PCDHGA2: variants seen among roughly 807,000 people sequenced by gnomAD.
The protein encoded by PCDHGA2 is protocadherin gamma subfamily A, 2, also known as protocadherin gamma-A2.
Under a neutral mutation model 59.2 loss-of-function variants are expected in PCDHGA2, and 40 were observed. The ratio of observed to expected loss-of-function variants is 0.68; its 90% CI spans 0.52 to 0.88. The LOEUF (loss-of-function observed/expected upper bound fraction) is 0.88, where lower values mean the gene tolerates loss of function less well. PCDHGA2 is among the 40% of genes least tolerant of loss of function. The probability of loss-of-function intolerance (pLI) is 0.00; values close to 1 mark genes in which losing one functional copy is unlikely to be tolerated. For synonymous variants in PCDHGA2, 560 were observed against 526.0 expected (o/e 1.06, Z -0.89); for missense variants, 1,226 against 1,204.0 (o/e 1.02, Z -0.27).
At chr5:141,408,769 C>T in intron 1 of PCDHGA2, 1 of 1,611,166 alleles carries the variant, frequency 6.2e-7, no homozygotes, top group Non-Finnish European at 8.5e-7. Context: ...CCGATGGTGG[C>T]AAATACCCAG....
At chr5:141,468,748 C>T (rs2099176836) in intron 1 of PCDHGA2, among the ~76,000 whole-genome samples, 1 of 151,866 alleles carries the variant, frequency 6.6e-6, no homozygotes, top group South Asian at 2.1e-4. Context: ...TGCCTGTAGT[C>T]CCAGCTACTC....
chr5:141,441,882 C>A, intron 1 of PCDHGA2: 1 of 343,664 alleles, frequency 2.9e-6, no homozygotes, highest in South Asian at 2.6e-5. Context: ...GCTACCTGGT[C>A]ACCAAGGTGG....
intron 1 of PCDHGA2, chr5:141,362,513 A>G: frequency 6.2e-7 from 1 of 1,613,982 alleles, no homozygotes; most frequent in South Asian, 1.1e-5. Context: ...AATACAAATC[A>G]TGGAGCCGCT....
chr5:141,422,492 C>G (rs747903569), intron 1 of PCDHGA2: 10 of 1,613,934 alleles, frequency 6.2e-6, no homozygotes, highest in Non-Finnish European at 8.5e-6. Flanking sequence ...TACAATATAA[C>G]GTTGACAGCC....
Position 141,489,600 on chromosome 5 carries a change from G to A in PCDHGA2, c.2425-5207G>A, listed in dbSNP as rs1407225048. 8.1e-6 allele frequency: 13 copies of A among 1,614,034 alleles called. No homozygotes were observed. Among genetic ancestry groups the A allele is most frequent in the Non-Finnish European group, 1.1e-5 (13 of 1,179,962 alleles). ...ACCCCCTGGAGCTAATCCGTGTAGA[G>A]GTAGAGATCCTGGATCTCAATGACA... On this transcript the variant is annotated intron_variant, in intron 1 of 3. Transcript: ENST00000394576. This position sits in a 1 kb window ranked among gnomAD's most constrained non-coding sequence, Gnocchi z 4.5.
chr5:141,362,239 C>T, intron 1 of PCDHGA2: 1 of 1,614,060 alleles, frequency 6.2e-7, no homozygotes, highest in Non-Finnish European at 8.5e-7. Flanking sequence ...GATCTCAGTG[C>T]TCTTCTTCCT....
chr5:141,423,050 G>C, intron 1 of PCDHGA2: 1 of 1,614,186 alleles, frequency 6.2e-7, no homozygotes, highest in Non-Finnish European at 8.5e-7. Flanking sequence ...CTGTCCTATC[G>C]CCTGCTTAAG....
Position 141,370,565 on chromosome 5 carries a change from C to T in PCDHGA2, c.2424+29170C>T, listed in dbSNP as rs776498616. ...ACCTCGCCAAGGACCTGGGGTTTGG[C>T]GTGGGGGATTTACCTACTAGGAACC... On this transcript the variant is annotated intron_variant, in intron 1 of 3. Transcript: ENST00000394576. The T allele has an allele frequency of 1.9e-5, 31 of 1,613,664 alleles. No individual in the cohort carries two copies. In the Admixed American group the frequency reaches 5.2e-4, roughly 27 times the overall value.
chr5:141,404,214 C>T lies in PCDHGA2; in HGVS notation c.2424+62819C>T, dbSNP rs1169013129. On this transcript the variant is annotated intron_variant, in intron 1 of 3. Coordinates refer to ENST00000394576, the MANE Select transcript of PCDHGA2 (RefSeq NM_018915.4). ...GAAAAAGCCTCAGAATATAATATCA[C>T]GGTGACTGCAACAGACAGAGGAACT... 11 of 1,613,562 alleles carry T rather than the reference C, an allele frequency of 6.8e-6. No individual in the cohort carries two copies. In the Admixed American group the frequency reaches 1.3e-4, roughly 20 times the overall value.
intron 1 of PCDHGA2, chr5:141,375,663 A>G: frequency 6.2e-7 from 1 of 1,614,108 alleles, no homozygotes; most frequent in South Asian, 1.1e-5. Context: ...CAGTTGAGAG[A>G]CCTACAGCTG....
chr5:141,457,441 G>A (rs941085406), intron 1 of PCDHGA2, among the ~76,000 whole-genome samples: 1 of 152,134 alleles, frequency 6.6e-6, no homozygotes, highest in African/African-American at 2.4e-5. Flanking sequence ...CCAAGCTGCA[G>A]AAGATCACCA....
At chr5:141,356,037 T>G in intron 1 of PCDHGA2, 1 of 1,614,004 alleles carries the variant, frequency 6.2e-7, no homozygotes, top group East Asian at 2.2e-5. Context: ...ACGTGACGTA[T>G]TCTTTCCGGA....
In PCDHGA2 at chr5:141,477,017, A is replaced by G; in HGVS notation, c.2425-17790A>G. 2 of 1,614,220 alleles carry G rather than the reference A, an allele frequency of 1.2e-6. No homozygotes were observed. The highest frequency in any genetic ancestry group is 2.2e-5 in the East Asian group (1 of 44,868). ...GCAACTATTCGCCTTAGACCTTGTA[A>G]CCGGGATGCTGACAATCAAGGGTCG... On this transcript the variant is annotated intron_variant, in intron 1 of 3. Coordinates refer to ENST00000394576, the MANE Select transcript of PCDHGA2 (RefSeq NM_018915.4). This position sits in a 1 kb window ranked among gnomAD's most constrained non-coding sequence, Gnocchi z 4.9.
rs376661062 is a variant in PCDHGA2, at chr5:141,432,185, G to T, written c.2425-62622G>T. 6.2e-6 allele frequency: 10 copies of T among 1,613,956 alleles called. No individual in the cohort carries two copies. The highest frequency in any genetic ancestry group is 8.5e-6 in the Non-Finnish European group (10 of 1,180,030). ...AGGAGTTTCCCTCGTCTCTGTGACC[G>T]CCCACGACCCCGACTGTGAAGAGAA... On this transcript the variant is annotated intron_variant, in intron 1 of 3. Coordinates refer to ENST00000394576, the MANE Select transcript of PCDHGA2 (RefSeq NM_018915.4). The surrounding 1 kb of genome is among the most constrained non-coding windows in gnomAD (Gnocchi z 6.0).
intron 1 of PCDHGA2, chr5:141,393,882 T>G (rs1471060639): frequency 6.2e-7 from 1 of 1,614,028 alleles, no homozygotes; most frequent in South Asian, 1.1e-5. Flanking sequence ...TAGCCCAGTG[T>G]TAGAAAATTC....
chr5:141,428,443 G>T (rs1004000862), intron 1 of PCDHGA2: 5 of 383,870 alleles, frequency 1.3e-5, no homozygotes, highest in Non-Finnish European at 2.0e-5. Context: ...TAGACCAGGG[G>T]TTTTTCCCAA....
chr5:141,377,955 G>T (rs557013488), intron 1 of PCDHGA2: 12 of 152,140 alleles, frequency 7.9e-5, no homozygotes, highest in African/African-American at 2.9e-4. Flanking sequence ...GTGTATCCAG[G>T]GCAACTTGAA....
chr5:141,484,236 G>C (rs1272971014), intron 1 of PCDHGA2, among the ~76,000 whole-genome samples: 2 of 152,132 alleles, frequency 1.3e-5, no homozygotes, highest in Non-Finnish European at 2.9e-5. Context: ...AAGAGATCTG[G>C]TCCTTAGCAC....
At chr5:141,357,941 A>C (rs558616787) in intron 1 of PCDHGA2, among the ~76,000 whole-genome samples, 1 of 152,214 alleles carries the variant, frequency 6.6e-6, no homozygotes, top group East Asian at 1.9e-4. Flanking sequence ...TGTAATCCTA[A>C]CACTTTGGGA....
Sources: allele counts gnomAD v4.1 joint callset (sites outside exome capture counted in the v4.1 genomes callset), GRCh38; gene constraint gnomAD v4.1.1; non-coding constraint Gnocchi (gnomAD v3.1); transcripts MANE v1.5; gene names NCBI Gene and HGNC (gene_info 2026-07-23, HGNC 2026-07-21).